The following BCAT1 variants were observed in gnomAD, a reference collection of about 807,000 sequenced individuals.
The protein encoded by BCAT1 is branched-chain-amino-acid aminotransferase, cytosolic.
Under a neutral mutation model 52.4 loss-of-function variants are expected in BCAT1, and 48 were observed. That is an observed-to-expected ratio of 0.92 (90% CI 0.73 to 1.16). BCAT1 has a LOEUF of 1.16. BCAT1 is among the 50% of genes most tolerant of loss of function. The pLI, the probability that BCAT1 is intolerant of heterozygous loss-of-function variation, is 0.00. For synonymous variants in BCAT1, 167 were observed against 161.3 expected (o/e 1.04, Z -0.27); for missense variants, 451 against 457.1 (o/e 0.99, Z 0.12).
At chr12:24,900,990 A>G (rs1943088687) in intron 2 of BCAT1, among the ~76,000 whole-genome samples, 1 of 152,260 alleles carries the variant, frequency 6.6e-6, no homozygotes, top group African/African-American at 2.4e-5. Flanking sequence ...CCTTGCTAAG[A>G]TGACAGCAAG....
chr12:24,816,633 C>T lies in BCAT1; in HGVS notation c.*1375G>A. ...ATTTATTTCTGCAATTAACACTTGA[C>T]ATAAAACATTTGTCATTTCCATTTG... On this transcript the variant is annotated 3_prime_UTR_variant, in exon 11 of 11. Transcript: ENST00000261192. 2.5e-6 allele frequency: 1 copy of T among 395,270 alleles called. No individual in the cohort carries two copies. The highest frequency in any genetic ancestry group is 3.6e-5 in the East Asian group (1 of 27,910). The allele number at this position is 395,270 out of a possible 1,614,324, so 24.5% of individuals were successfully genotyped here.
At chr12:24,948,904 C>T (rs775589447) in intron 1 of BCAT1, 23 bp downstream of exon 1, 1 of 1,591,272 alleles carries the variant, frequency 6.3e-7, no homozygotes, top group Non-Finnish European at 8.6e-7. Context: ...TTGTAAAACA[C>T]GGACAAAACC....
chr12:24,848,828 A>G (rs1941418783), intron 6 of BCAT1, among the ~76,000 whole-genome samples: 1 of 152,214 alleles, frequency 6.6e-6, no homozygotes, highest in African/African-American at 2.4e-5. Flanking sequence ...CATTGAGGGA[A>G]TGCAGTTGCT....
intron 5 of BCAT1, among the ~76,000 whole-genome samples, chr12:24,858,428 T>A (rs1664675278): frequency 6.6e-6 from 1 of 152,206 alleles, no homozygotes; most frequent in African/African-American, 2.4e-5. Context: ...TTTAGACATC[T>A]GGTCTAAATT....
At chr12:24,893,342 GAT>G (rs1422546030) in intron 3 of BCAT1, among the ~76,000 whole-genome samples, 1 of 152,120 alleles carries the variant, frequency 6.6e-6, no homozygotes, top group Non-Finnish European at 1.5e-5. Flanking sequence ...CTGTAAGATA[GAT>G]ATTATAACTA....
At chr12:24,855,306 T>TAA (rs777009658) in intron 5 of BCAT1, among the ~76,000 whole-genome samples, 7 of 108,264 alleles carry the variant, frequency 6.5e-5, no homozygotes, top group African/African-American at 2.0e-4. Flanking sequence ...CAGGAGCAGT[T>TAA]AAAAAAAAAA....
chr12:24,901,957 G>C, intron 1 of BCAT1, 72 bp from the exon 2 acceptor site: 1 of 1,610,960 alleles, frequency 6.2e-7, no homozygotes, highest in South Asian at 1.1e-5. Flanking sequence ...CCTACGTGAC[G>C]CTCACCATGA....
chr12:24,943,817 T>C (rs971370917), intron 1 of BCAT1, among the ~76,000 whole-genome samples: 1 of 151,666 alleles, frequency 6.6e-6, no homozygotes, highest in African/African-American at 2.4e-5. Context: ...ACCCCGTCTC[T>C]ACAAAAAATA....
intron 1 of BCAT1, among the ~76,000 whole-genome samples, chr12:24,946,610 A>G (rs1943935927): frequency 6.6e-6 from 1 of 152,222 alleles, no homozygotes; most frequent in South Asian, 2.1e-4. Flanking sequence ...TCTTTAAATA[A>G]TTACTCCTGC....
chr12:24,836,995 A>G (rs949248952), intron 7 of BCAT1, among the ~76,000 whole-genome samples: 2 of 146,040 alleles, frequency 1.4e-5, no homozygotes, highest in African/African-American at 5.1e-5. Flanking sequence ...GGGAGGGAGG[A>G]AGGAACGAAG....
At chr12:24,827,594 C>A (rs558171780) in intron 10 of BCAT1, among the ~76,000 whole-genome samples, 5 of 152,168 alleles carry the variant, frequency 3.3e-5, no homozygotes, top group Admixed American at 6.5e-5. Context: ...GAGTTTGAGA[C>A]CAGCCTGGCC....
intron 5 of BCAT1, among the ~76,000 whole-genome samples, chr12:24,853,453 G>C (rs1941575015): frequency 6.6e-6 from 1 of 152,158 alleles, no homozygotes; most frequent in African/African-American, 2.4e-5. Flanking sequence ...TTCCAAAAGA[G>C]GGGGAGGGGA....
At chr12:24,933,771 T>C (rs1943713038) in intron 1 of BCAT1, among the ~76,000 whole-genome samples, 1 of 152,098 alleles carries the variant, frequency 6.6e-6, no homozygotes, top group East Asian at 1.9e-4. Context: ...GCCCTCTCTC[T>C]AATGAGAGAG....
In BCAT1 at chr12:24,887,131, G is replaced by T. The variant is rs1942704183; in HGVS notation, c.280-5720C>A. Among the ~76,000 whole-genome samples the T allele has an allele frequency of 2.4e-5, 3 of 126,394 alleles. No individual in the cohort carries two copies. The East Asian group carries it at 7.1e-4, about 30-fold the overall frequency. 82.9% of individuals were successfully genotyped at this position (126,394 alleles called of 152,430 possible). ...TATATAAAGCTGATAAGCCCCTCGG[G>T]TTTATCATCCCAAGAGCAGACACCA... On this transcript the variant is annotated intron_variant, in intron 3 of 10. Coordinates refer to ENST00000261192, the MANE Select transcript of BCAT1 (RefSeq NM_005504.7).
At chr12:24,853,125 T>C (rs780698943) in intron 5 of BCAT1, among the ~76,000 whole-genome samples, 40 of 152,094 alleles carry the variant, frequency 2.6e-4, no homozygotes, top group Non-Finnish European at 2.5e-4. Context: ...TGAACTGTTA[T>C]ACAAAAAAAG....
At chr12:24,885,773 TATC>T (rs1294591419) in intron 3 of BCAT1, among the ~76,000 whole-genome samples, 13 of 152,018 alleles carry the variant, frequency 8.6e-5, no homozygotes, top group African/African-American at 3.1e-4. Flanking sequence ...CATCATGACA[TATC>T]AGAGGGGAAA....
At chr12:24,923,435 C>G (rs1367710534) in intron 1 of BCAT1, among the ~76,000 whole-genome samples, 5 of 152,162 alleles carry the variant, frequency 3.3e-5, no homozygotes, top group Non-Finnish European at 7.3e-5. Context: ...TAGACAGGGT[C>G]TCTCTCTGTC....
chr12:24,875,743 G>A (rs1208739054), intron 5 of BCAT1, among the ~76,000 whole-genome samples: 1 of 152,156 alleles, frequency 6.6e-6, no homozygotes, highest in African/African-American at 2.4e-5. Flanking sequence ...CTAATAGTGA[G>A]AATGATCATG....
At chr12:24,834,822 A>T in intron 8 of BCAT1, 2 of 1,119,822 alleles carry the variant, frequency 1.8e-6, no homozygotes, top group South Asian at 3.9e-5. Flanking sequence ...AAAAGAAAAG[A>T]AAAGAAAACT....
Sources: allele counts gnomAD v4.1 joint callset (sites outside exome capture counted in the v4.1 genomes callset), GRCh38; gene constraint gnomAD v4.1.1; transcripts MANE v1.5; gene names NCBI Gene and HGNC (gene_info 2026-07-23, HGNC 2026-07-21).